The following AUTS2 variants were observed in gnomAD, a reference collection of about 807,000 sequenced individuals.
AUTS2 encodes activator of transcription and developmental regulator AUTS2.
In AUTS2, 17 loss-of-function variants were observed where a neutral mutation model predicts 112.4. The observed-to-expected ratio is 0.15, with a 90% CI of 0.10 to 0.23. The LOEUF (loss-of-function observed/expected upper bound fraction) is 0.23. AUTS2 is among the 10% of genes least tolerant of loss of function. AUTS2 has a pLI of 1.00. For missense variants in AUTS2, 1,510 were observed against 1,701.6 expected (o/e 0.89, Z 1.98); for synonymous variants, 751 against 702.7 (o/e 1.07, Z -1.09).
chr7:70,457,070 G>A (rs1370559857), intron 5 of AUTS2, among the ~76,000 whole-genome samples: 1 of 152,242 alleles, frequency 6.6e-6, no homozygotes, highest in Non-Finnish European at 1.5e-5. Flanking sequence ...AACAGAGTGT[G>A]TGTGAGATAC....
intron 4 of AUTS2, among the ~76,000 whole-genome samples, chr7:70,303,360 A>G (rs1692812995): frequency 6.6e-6 from 1 of 152,014 alleles, no homozygotes; most frequent in Admixed American, 6.6e-5. Context: ...TGATCTAGCA[A>G]CTGGGAGGAT....
chr7:70,599,884 A>G (rs374657837), intron 5 of AUTS2, among the ~76,000 whole-genome samples: 1 of 152,342 alleles, frequency 6.6e-6, no homozygotes, highest in Admixed American at 6.5e-5. Context: ...GTCATTAGAC[A>G]GGGATCTGGG....
intron 1 of AUTS2, among the ~76,000 whole-genome samples, chr7:69,731,973 T>C (rs1167170773): frequency 6.6e-6 from 1 of 152,194 alleles, no homozygotes; most frequent in African/African-American, 2.4e-5. Context: ...AAGCACTTTG[T>C]ATAGAAAATT....
At chr7:69,696,628 CT>C (rs1174946219) in intron 1 of AUTS2, among the ~76,000 whole-genome samples, 1 of 152,154 alleles carries the variant, frequency 6.6e-6, no homozygotes, top group Non-Finnish European at 1.5e-5. Flanking sequence ...ATGAGGAGAT[CT>C]TTGCTGAATG....
At chr7:70,703,952 C>A (rs540642521) in intron 6 of AUTS2, among the ~76,000 whole-genome samples, 2 of 152,278 alleles carry the variant, frequency 1.3e-5, no homozygotes, top group South Asian at 4.1e-4. Context: ...AGTCCCTCCT[C>A]CTACTCCATA....
At chr7:69,898,121 G>C (rs1236885468) in intron 1 of AUTS2, among the ~76,000 whole-genome samples, 1 of 152,150 alleles carries the variant, frequency 6.6e-6, no homozygotes, top group Admixed American at 6.5e-5. Flanking sequence ...CATTTACCCT[G>C]ATGTGATTAT....
At chr7:70,001,386 A>C (rs917323979) in intron 2 of AUTS2, among the ~76,000 whole-genome samples, 4 of 152,148 alleles carry the variant, frequency 2.6e-5, no homozygotes, top group Admixed American at 1.3e-4. Context: ...TTGGCCTCCC[A>C]AAATGCTGGG....
chr7:70,445,457 A>G (rs1796283735), intron 5 of AUTS2, among the ~76,000 whole-genome samples: 1 of 152,184 alleles, frequency 6.6e-6, no homozygotes, highest in Admixed American at 6.5e-5. Context: ...ACTAACTCCT[A>G]AAAATTCAAA....
At chr7:70,452,785 A>T (rs1796586656) in intron 5 of AUTS2, among the ~76,000 whole-genome samples, 1 of 152,198 alleles carries the variant, frequency 6.6e-6, no homozygotes. Flanking sequence ...GAGGCCCAGG[A>T]TATACCCAGT....
chr7:69,784,789 T>C (rs923162170), intron 1 of AUTS2, among the ~76,000 whole-genome samples: 3 of 152,220 alleles, frequency 2.0e-5, no homozygotes, highest in Admixed American at 6.5e-5. Context: ...ATGTGGCTTG[T>C]TGGTGGTTGA....
chr7:69,913,288 A>G (rs1413654691), intron 2 of AUTS2, among the ~76,000 whole-genome samples: 1 of 152,194 alleles, frequency 6.6e-6, no homozygotes, highest in Non-Finnish European at 1.5e-5. Context: ...TTTGTTTATA[A>G]CAAGGGTCAC....
intron 5 of AUTS2, among the ~76,000 whole-genome samples, chr7:70,511,556 A>ATTGTCTTTTTTTTT (rs1563005631): frequency 4.8e-5 from 2 of 41,766 alleles, no homozygotes; most frequent in African/African-American, 9.9e-5. Flanking sequence ...ACTTTTTTTC[A>ATTGTCTTTTTTTTT]TTTTCTTTTT....
intron 1 of AUTS2, among the ~76,000 whole-genome samples, chr7:69,644,009 A>G (rs1794912217): frequency 1.3e-5 from 2 of 152,228 alleles, no homozygotes; most frequent in Admixed American, 1.3e-4. Flanking sequence ...GAAAGTGACC[A>G]TCTACAAGCC....
intron 2 of AUTS2, among the ~76,000 whole-genome samples, chr7:70,068,612 T>C (rs1320040591): frequency 6.6e-6 from 1 of 152,240 alleles, no homozygotes. Context: ...ACAGTCATAG[T>C]GGCAGTGACT....
intron 5 of AUTS2, among the ~76,000 whole-genome samples, chr7:70,603,184 A>G (rs1585361899): frequency 6.6e-6 from 1 of 152,026 alleles, no homozygotes; most frequent in East Asian, 1.9e-4. Context: ...CAAGGTGAGC[A>G]AAATTGGCAT....
intron 1 of AUTS2, among the ~76,000 whole-genome samples, chr7:69,796,242 G>T (rs1465903764): frequency 6.6e-6 from 1 of 152,180 alleles, no homozygotes; most frequent in South Asian, 2.1e-4. Flanking sequence ...AAGAGGCTGG[G>T]TGTGGTAACT....
intron 1 of AUTS2, among the ~76,000 whole-genome samples, chr7:69,614,368 T>TTTCTTTCTTTCTTTTCTTTCTTTTCTTTC: frequency 2.6e-3 from 51 of 19,408 alleles, no homozygotes; most frequent in East Asian, 3.4e-3. Flanking sequence ...TTCTTTCTTT[T>TTTCTTTCTTTCTTTTCTTTCTTTTCTTTC]TTTAAGAGAT....
At chr7:70,451,010 AG>A (rs1186878957) in intron 5 of AUTS2, among the ~76,000 whole-genome samples, 1 of 152,144 alleles carries the variant, frequency 6.6e-6, no homozygotes, top group African/African-American at 2.4e-5. Flanking sequence ...GGATGAGGTC[AG>A]AAGAGAGTAC....
intron 6 of AUTS2, among the ~76,000 whole-genome samples, chr7:70,722,144 C>T (rs1421889148): frequency 6.6e-6 from 1 of 152,020 alleles, no homozygotes; most frequent in Non-Finnish European, 1.5e-5. Context: ...AGTCCCGGCC[C>T]CAACCCCTTT....
Sources: gnomAD v4.1 joint callset for allele counts (sites outside exome capture counted in the v4.1 genomes callset) on GRCh38, gnomAD v4.1.1 for gene constraint, MANE v1.5 for transcripts, NCBI Gene and HGNC (gene_info 2026-07-23, HGNC 2026-07-21) for gene names.